Variants in DNM3 observed in about 807,000 individuals in gnomAD.
DNM3 encodes the protein dynamin 3.
Under a neutral mutation model 101.6 loss-of-function variants are expected in DNM3, and 47 were observed. The ratio of observed to expected loss-of-function variants is 0.46; its 90% CI spans 0.37 to 0.59. DNM3 has a LOEUF of 0.59. DNM3 is among the 20% of genes least tolerant of loss of function. The pLI, the probability that DNM3 is intolerant of heterozygous loss-of-function variation, is 0.00. For synonymous variants in DNM3, 385 were observed against 387.9 expected (o/e 0.99, Z 0.09); for missense variants, 849 against 1,085.7 (o/e 0.78, Z 3.06).
intron 17 of DNM3, among the ~76,000 whole-genome samples, chr1:172,341,080 C>A (rs1437125266): frequency 1.3e-5 from 2 of 152,092 alleles, no homozygotes; most frequent in African/African-American, 4.8e-5. Context: ...AATCAGTATT[C>A]CCACACCAAC....
At chr1:171,867,005 C>G (rs894439281) in intron 1 of DNM3, among the ~76,000 whole-genome samples, 20 of 152,140 alleles carry the variant, frequency 1.3e-4, no homozygotes, top group Admixed American at 1.3e-3. Flanking sequence ...TTTAGGTGCA[C>G]CTAAGGTTCC....
At chr1:172,289,842 T>G (rs2063835339) in intron 15 of DNM3, 1 of 982,804 alleles carries the variant, frequency 1.0e-6, no homozygotes, top group Non-Finnish European at 1.2e-6. Context: ...AGTGGTTTTG[T>G]TGTTCTTTCC....
At chr1:172,120,112 T>G (rs1300686069) in intron 13 of DNM3, among the ~76,000 whole-genome samples, 1 of 152,178 alleles carries the variant, frequency 6.6e-6, no homozygotes, top group Admixed American at 6.5e-5. Context: ...CTCACACTGC[T>G]AATAAAGATA....
At chr1:172,179,708 G>T (rs1480432427) in intron 14 of DNM3, among the ~76,000 whole-genome samples, 1 of 151,726 alleles carries the variant, frequency 6.6e-6, no homozygotes, top group Non-Finnish European at 1.5e-5. Flanking sequence ...ATAGTTTTGG[G>T]AATACAGATT....
intron 14 of DNM3, among the ~76,000 whole-genome samples, chr1:172,239,758 C>T (rs1296816047): frequency 1.3e-5 from 2 of 150,788 alleles, no homozygotes; most frequent in African/African-American, 4.9e-5. Flanking sequence ...TATCTCTCTC[C>T]CCTCCGCTTC....
At chr1:172,024,491 A>C (rs951452120) in intron 4 of DNM3, among the ~76,000 whole-genome samples, 1 of 152,234 alleles carries the variant, frequency 6.6e-6, no homozygotes, top group African/African-American at 2.4e-5. Flanking sequence ...TCCTGAATAA[A>C]GAGTAATAAT....
At chr1:172,289,291 A>T (rs1033491069) in intron 15 of DNM3, among the ~76,000 whole-genome samples, 4 of 151,920 alleles carry the variant, frequency 2.6e-5, no homozygotes, top group Non-Finnish European at 5.9e-5. Context: ...AAATTTTTAA[A>T]TTTTTTTCCA....
intron 4 of DNM3, among the ~76,000 whole-genome samples, chr1:172,017,591 G>A (rs183231945): frequency 6.6e-6 from 1 of 152,204 alleles, no homozygotes; most frequent in East Asian, 1.9e-4. Flanking sequence ...AAATTTGTTA[G>A]GGTGTGTTTG....
intron 14 of DNM3, chr1:172,140,705 G>GC (rs2057526879): frequency 6.6e-6 from 1 of 151,690 alleles, no homozygotes; most frequent in South Asian, 2.1e-4. Flanking sequence ...AACCACAACA[G>GC]TTTTTCAGGG....
At chr1:172,095,918 C>T (rs1227138624) in intron 13 of DNM3, among the ~76,000 whole-genome samples, 2 of 152,344 alleles carry the variant, frequency 1.3e-5, no homozygotes, top group East Asian at 3.9e-4. Flanking sequence ...ATTTAACCTT[C>T]ATTCATCCTT....
In DNM3 at chr1:172,048,615, A is replaced by T. The variant is rs542683043; in HGVS notation, c.1200A>T (p.Thr400=). The T allele has an allele frequency of 6.2e-7, 1 of 1,611,916 alleles. No individual in the cohort carries two copies. The highest frequency in any genetic ancestry group is 8.5e-7 in the Non-Finnish European group (1 of 1,179,086). Residue 400 remains threonine, a synonymous_variant, in exon 10 of 21, where the codon ACA becomes ACT. Coordinates refer to ENST00000627582, the MANE Select transcript of DNM3 (RefSeq NM_015569.5). Reference sequence around the variant, plus strand: ...CTGCTTGCTTTCTTACCTTCAGGACAGGGTTGTTTACTCCAGACATGGCAT... The same window carrying T: ...CTGCTTGCTTTCTTACCTTCAGGACTGGGTTGTTTACTCCAGACATGGCAT... ...YAIKNIHGIR[T]GLFTPDMAFE... is the part of the protein sequence containing the mutation.
chr1:172,073,907 T>C (rs1454201503), intron 11 of DNM3, among the ~76,000 whole-genome samples: 3 of 152,190 alleles, frequency 2.0e-5, no homozygotes, highest in Non-Finnish European at 2.9e-5. Flanking sequence ...TTCTGGTTGC[T>C]CCACTTCTCT....
rs377575391 is a variant in DNM3, at chr1:172,237,188, T to C, written c.1660-16385T>C. On this transcript the variant is annotated intron_variant, in intron 14 of 20. Transcript: ENST00000627582. ...GAGTTCCTTATTAAAATAGTACTTC[T>C]TCCCCCTGAAAAGATGAAAATGCTT... is the stretch of plus-strand genomic sequence containing the variant. Among the ~76,000 whole-genome samples, 5 of 152,182 alleles carry C rather than the reference T, an allele frequency of 3.3e-5. No homozygotes were observed. In the South Asian group the frequency reaches 1.0e-3, roughly 32 times the overall value.
At chr1:172,119,691 G>A (rs150851271) in intron 13 of DNM3, among the ~76,000 whole-genome samples, 47 of 152,148 alleles carry the variant, frequency 3.1e-4, no homozygotes, top group African/African-American at 1.0e-3. Context: ...CATCTTTACA[G>A]CCAATGATCT....
In DNM3 at chr1:172,151,024, A is replaced by T. The variant is rs138293368; in HGVS notation, c.1659+19736A>T. ...ATAAATAGATCTAGATATATATGCAATTGTGTGTACAAATGTATGTGAGCA... is the reference window on the plus strand; with the variant it reads ...ATAAATAGATCTAGATATATATGCATTTGTGTGTACAAATGTATGTGAGCA... On this transcript the variant is annotated intron_variant, in intron 14 of 20. Transcript: ENST00000627582. Among the ~76,000 whole-genome samples, 852 of 152,304 alleles carry T rather than the reference A, an allele frequency of 5.6e-3. 7 individuals carry two copies. Among genetic ancestry groups the T allele is most frequent in the African/African-American group, 0.019 (797 of 41,570 alleles).
intron 1 of DNM3, among the ~76,000 whole-genome samples, chr1:171,903,061 G>A (rs6425473): frequency 0.46 from 69,516 of 151,774 alleles, 16,073 homozygotes; most frequent in East Asian, 0.66. Context: ...AGGATGGGGT[G>A]GGAGGATTGC....
intron 14 of DNM3, among the ~76,000 whole-genome samples, chr1:172,208,348 C>T (rs2060394480): frequency 1.3e-5 from 2 of 151,974 alleles, no homozygotes; most frequent in Admixed American, 6.6e-5. Flanking sequence ...GCCACTATAC[C>T]CAGAAATTTG....
intron 4 of DNM3, among the ~76,000 whole-genome samples, chr1:172,001,433 T>C (rs897472220): frequency 1.3e-5 from 2 of 151,950 alleles, no homozygotes; most frequent in African/African-American, 4.8e-5. Flanking sequence ...TGTTGATTGA[T>C]TACTTGATCA....
intron 2 of DNM3, among the ~76,000 whole-genome samples, chr1:171,968,212 C>CTTCT (rs2043729117): frequency 6.6e-6 from 1 of 152,178 alleles, no homozygotes; most frequent in African/African-American, 2.4e-5. Flanking sequence ...GGCTTCTAAT[C>CTTCT]AGTATGATTC....
Sources: allele counts gnomAD v4.1 joint callset (sites outside exome capture counted in the v4.1 genomes callset), GRCh38; gene constraint gnomAD v4.1.1; transcripts MANE v1.5; gene names NCBI Gene and HGNC (gene_info 2026-07-23, HGNC 2026-07-21).